DDAH1: variants seen among roughly 807,000 people sequenced by gnomAD.
The protein encoded by DDAH1 is N(G),N(G)-dimethylarginine dimethylaminohydrolase 1.
In DDAH1, 19 loss-of-function variants were observed where a neutral mutation model predicts 28.8. That is an observed-to-expected ratio of 0.66 (90% CI 0.46 to 0.97). The LOEUF (loss-of-function observed/expected upper bound fraction) is 0.97, where lower values mean the gene tolerates loss of function less well. Ranked by LOEUF, DDAH1 falls within the 50% of genes least tolerant of loss-of-function variation. The pLI is 0.00. For missense variants in DDAH1, 326 were observed against 375.9 expected, an observed-to-expected ratio of 0.87 and a Z score of 1.10; for synonymous variants, 153 against 154.4, an observed-to-expected ratio of 0.99 and a Z score of 0.07.
Position 85,511,598 on chromosome 1 carries a change from A to G in DDAH1, c.-122-15317T>C, listed in dbSNP as rs1557707955. The stretch of plus-strand genomic sequence containing the variant: ...AAAAGATCAACAAAATTGATAGACC[A>G]CTAGCAAGACTAATAAAGAAGAAAC... On this transcript the variant is annotated intron_variant, in intron 1 of 6. Coordinates refer to the DDAH1 transcript ENST00000426972. 2.0e-5 allele frequency among the ~76,000 whole-genome samples: 3 copies of G among 152,288 alleles called. No homozygotes were observed. In the South Asian group the frequency reaches 6.2e-4, roughly 32 times the overall value.
chr1:85,334,495 C>T (rs746334298), intron 4 of DDAH1, among the ~76,000 whole-genome samples: 6 of 152,070 alleles, frequency 3.9e-5, no homozygotes, highest in Admixed American at 1.3e-4. Context: ...GGGAGGGACC[C>T]GGAGGGAGAT....
chr1:85,419,514 T>C (rs1304677747), intron 1 of DDAH1, among the ~76,000 whole-genome samples: 2 of 120,774 alleles, frequency 1.7e-5, no homozygotes, highest in African/African-American at 6.7e-5. Flanking sequence ...CATTCCAGCC[T>C]GGACGACAAG....
In DDAH1 at chr1:85,350,446, C is replaced by T; in HGVS notation, c.566G>A (p.Gly189Glu). The T allele has an allele frequency of 6.2e-7, 1 of 1,614,060 alleles. No individual in the cohort carries two copies. Among genetic ancestry groups the T allele is most frequent in the Non-Finnish European group, 8.5e-7 (1 of 1,179,978 alleles). Residue 189 changes from glycine to glutamate, a missense_variant, in exon 4 of 6, where the codon GGG (glycine) becomes GAG (glutamate). Transcript: ENST00000284031. ...GGCCTTCTGTGCAGATTCACTAGAC[C>T]CAATTGCGATCAGGTTAGGCCCAGC... ...SMAGPNLIAI[G>E]SSESAQKALK...
intron 1 of DDAH1, among the ~76,000 whole-genome samples, chr1:85,394,530 T>A (rs1353739661): frequency 2.0e-5 from 3 of 152,210 alleles, no homozygotes; most frequent in Non-Finnish European, 4.4e-5. Flanking sequence ...TCAGTTCATG[T>A]GACAGGTAAA....
At chr1:85,471,403 T>C (rs1239988790) in intron 2 of DDAH1, among the ~76,000 whole-genome samples, 1 of 152,238 alleles carries the variant, frequency 6.6e-6, no homozygotes, top group Non-Finnish European at 1.5e-5. Flanking sequence ...CAGAATTCTT[T>C]AAGTATGCCA....
intron 2 of DDAH1, among the ~76,000 whole-genome samples, chr1:85,357,260 T>A (rs1031343673): frequency 6.6e-6 from 1 of 152,090 alleles, no homozygotes; most frequent in South Asian, 2.1e-4. Context: ...TAGGGTTCAA[T>A]GGGCATGCAA....
Position 85,531,271 on chromosome 1 carries a change from C to A in DDAH1, c.-122-34990G>T, listed in dbSNP as rs544994696. ...CCTAAACATACTACACATTTAACCC[C>A]ATCTGAGACATAGAGGCCCTTGACA... On this transcript the variant is annotated intron_variant, in intron 1 of 6. Coordinates refer to the DDAH1 transcript ENST00000426972. Among the ~76,000 whole-genome samples, 3 of 152,062 alleles carry A rather than the reference C, an allele frequency of 2.0e-5. No individual in the cohort carries two copies. In the South Asian group the frequency reaches 6.2e-4, roughly 32 times the overall value.
At chr1:85,338,710 A>C (rs1055528013) in intron 4 of DDAH1, among the ~76,000 whole-genome samples, 13 of 152,126 alleles carry the variant, frequency 8.5e-5, no homozygotes, top group Non-Finnish European at 1.8e-4. Flanking sequence ...TCTTGGGTAC[A>C]TTAAAGTTTG....
intron 2 of DDAH1, among the ~76,000 whole-genome samples, chr1:85,471,599 A>C (rs1290609054): frequency 6.6e-6 from 1 of 152,194 alleles, no homozygotes; most frequent in Non-Finnish European, 1.5e-5. Context: ...GGACACAGTA[A>C]ATACTCAATT....
At chr1:85,429,080 T>C (rs989561050) in intron 1 of DDAH1, among the ~76,000 whole-genome samples, 28 of 152,220 alleles carry the variant, frequency 1.8e-4, no homozygotes, top group African/African-American at 5.5e-4. Flanking sequence ...GTTTGTTACA[T>C]AGGTATACAC....
Position 85,351,859 on chromosome 1 carries a change from A to G in DDAH1, c.404-280T>C, listed in dbSNP as rs180841827. ...AATGGATAGGAAGTTTCAGTTTGGGAAGATGAAAAAGTTCTGGAGATGCCT... is the reference window on the plus strand; with the variant it reads ...AATGGATAGGAAGTTTCAGTTTGGGGAGATGAAAAAGTTCTGGAGATGCCT... On this transcript the variant is annotated intron_variant, in intron 2 of 5. Transcript: ENST00000284031. Among the ~76,000 whole-genome samples, 587 of 152,300 alleles carry G rather than the reference A, an allele frequency of 3.9e-3. 1 individual carries two copies. The highest frequency in any genetic ancestry group is 5.2e-3 in the Non-Finnish European group (357 of 68,008).
intron 1 of DDAH1, among the ~76,000 whole-genome samples, chr1:85,425,206 T>C (rs1653338915): frequency 1.3e-5 from 2 of 152,288 alleles, no homozygotes; most frequent in South Asian, 2.1e-4. Flanking sequence ...TTCAGGACTG[T>C]AGTTTTAGAC....
intron 1 of DDAH1, among the ~76,000 whole-genome samples, chr1:85,566,784 G>A (rs553207677): frequency 2.2e-4 from 34 of 152,284 alleles, no homozygotes; most frequent in African/African-American, 7.2e-4. Flanking sequence ...ATGTGTGTGT[G>A]TGTGTACATG....
intron 1 of DDAH1, among the ~76,000 whole-genome samples, chr1:85,443,676 A>C (rs554474565): frequency 2.1e-4 from 32 of 152,040 alleles, no homozygotes; most frequent in Admixed American, 5.9e-4. Context: ...ATGTTCTTCC[A>C]TTTGTTTATT....
At chr1:85,555,012 T>C (rs1288122255) in intron 1 of DDAH1, among the ~76,000 whole-genome samples, 1 of 152,250 alleles carries the variant, frequency 6.6e-6, no homozygotes, top group Admixed American at 6.5e-5. Flanking sequence ...AGTTATGACA[T>C]CATTTGAAGC....
At chr1:85,502,287 CCAA>C (rs926180855) in intron 1 of DDAH1, among the ~76,000 whole-genome samples, 35 of 152,208 alleles carry the variant, frequency 2.3e-4, no homozygotes, top group African/African-American at 7.9e-4. Context: ...TGGTGGTTGC[CCAA>C]CAACGAGAGG....
At chr1:85,404,598 A>T in intron 1 of DDAH1, 1 of 1,251,880 alleles carries the variant, frequency 8.0e-7, no homozygotes, top group Non-Finnish European at 1.0e-6. Flanking sequence ...AATACAGAGC[A>T]TGTCTGCTGA....
At chr1:85,402,116 G>T (rs1014004424) in intron 1 of DDAH1, among the ~76,000 whole-genome samples, 1 of 151,194 alleles carries the variant, frequency 6.6e-6, no homozygotes, top group South Asian at 2.1e-4. Context: ...CCCTCAAATG[G>T]CTAAGACTAC....
At position 85,464,629 on chromosome 1, in the gene DDAH1, G is replaced by T. The variant is rs1655268590; in HGVS notation, c.303+114C>A. On this transcript the variant is annotated intron_variant, in intron 1 of 5. Coordinates refer to ENST00000284031, the MANE Select transcript of DDAH1 (RefSeq NM_012137.4). The surrounding 1 kb of genome is among the most constrained non-coding windows in gnomAD (Gnocchi z 4.4). ...ACACACACTCGCCCCCCGACGGGAAGTTGTGAACTACTAGCCCGAGGGCCA... is the reference window on the plus strand; with the variant it reads ...ACACACACTCGCCCCCCGACGGGAATTTGTGAACTACTAGCCCGAGGGCCA... 1 of 1,512,386 alleles carries T rather than the reference G, an allele frequency of 6.6e-7. No individual in the cohort carries two copies. Among genetic ancestry groups the T allele is most frequent in the South Asian group, 1.2e-5 (1 of 81,030 alleles). 93.7% of individuals were successfully genotyped at this position (1,512,386 alleles called of 1,614,324 possible).
Sources: gnomAD v4.1 joint callset for allele counts (sites outside exome capture counted in the v4.1 genomes callset) on GRCh38, gnomAD v4.1.1 for gene constraint, Gnocchi (gnomAD v3.1) non-coding constraint, MANE v1.5 for transcripts, NCBI Gene and HGNC (gene_info 2026-07-23, HGNC 2026-07-21) for gene names.